GCAT: variants seen among roughly 807,000 people sequenced by gnomAD.
GCAT encodes glycine C-acetyltransferase, also known as 2-amino-3-ketobutyrate coenzyme A ligase, mitochondrial.
GCAT carries 26 observed loss-of-function variants against 39.7 expected under a neutral mutation model. The ratio of observed to expected loss-of-function variants is 0.65; its 90% confidence interval spans 0.48 to 0.91. The LOEUF (loss-of-function observed/expected upper bound fraction) is 0.91, where lower values mean the gene tolerates loss of function less well. Ranked by LOEUF, GCAT falls within the 40% of genes least tolerant of loss-of-function variation. The pLI, the probability that GCAT is intolerant of heterozygous loss-of-function variation, is 0.00. For missense variants in GCAT, 550 were observed against 576.2 expected (o/e 0.95, Z 0.47); for synonymous variants, 218 against 237.2 (o/e 0.92, Z 0.74).
At chr22:37,815,919 T>C in intron 7 of GCAT, 85 bp downstream of exon 7, 1 of 1,509,216 alleles carries the variant, frequency 6.6e-7, no homozygotes. Context: ...CACAGACAGC[T>C]CTGTGCCCAC....
intron 2 of GCAT, among the ~76,000 whole-genome samples, chr22:37,811,185 T>C (rs1367277167): frequency 6.6e-6 from 1 of 152,088 alleles, no homozygotes; most frequent in African/African-American, 2.4e-5. Context: ...ACTTAATACA[T>C]GTAATGCTTA....
In GCAT at chr22:37,810,169, G is replaced by A; in HGVS notation, c.327+12G>A. On this transcript the variant is annotated intron_variant, in intron 2 of 8. Coordinates refer to ENST00000248924, the MANE Select transcript of GCAT (RefSeq NM_014291.4). ...TCTGTGGAACCCAGGTACACAGTGA[G>A]TGGTGGGGGGTTGTGGGGACTGACC... is the stretch of plus-strand genomic sequence containing the variant. 2 of 1,588,382 alleles carry A rather than the reference G, an allele frequency of 1.3e-6. No homozygotes were observed. The highest frequency in any genetic ancestry group is 1.7e-6 in the Non-Finnish European group (2 of 1,156,576).
intron 7 of GCAT, among the ~76,000 whole-genome samples, 168 bp from the exon 8 acceptor site, chr22:37,816,032 T>C (rs1256997323): frequency 6.6e-6 from 1 of 152,186 alleles, no homozygotes; most frequent in East Asian, 1.9e-4. Context: ...ACCTCCCTTG[T>C]TGTTCTCCCT....
In GCAT at chr22:37,816,593, C is replaced by T. The variant is rs1432658043; in HGVS notation, c.1135C>T (p.Pro379Ser). 1 of 1,614,210 alleles carries T rather than the reference C, an allele frequency of 6.2e-7. No individual in the cohort carries two copies. Among genetic ancestry groups the T allele is most frequent in the Non-Finnish European group, 8.5e-7 (1 of 1,180,036 alleles). The change falls in exon 9 of 9, where the codon CCC becomes TCC. Residue 379 changes from proline to serine, a missense_variant. By Grantham distance (74) the Pro-to-Ser change is moderately conservative (BLOSUM62 -1). Transcript: ENST00000248924. ...RGIFVIGFSY[P>S]VVPKGKARIR... ...CATCTTTGTCATCGGGTTCAGCTAC[C>T]CCGTGGTCCCCAAGGGCAAGGCCCG... is the stretch of plus-strand genomic sequence containing the variant.
intron 7 of GCAT, 176 bp downstream of exon 7, chr22:37,816,010 T>A: frequency 2.3e-6 from 1 of 433,472 alleles, no homozygotes; most frequent in Non-Finnish European, 3.1e-6. Context: ...TTCTTATCCC[T>A]CCTGTCTTTC....
rs1359753595 is a variant in GCAT at position 37,810,116 on chromosome 22, G to C, written c.286G>C (p.Gly96Arg). 1.2e-6 allele frequency: 2 copies of C among 1,614,120 alleles called. No homozygotes were observed. Among genetic ancestry groups the C allele is most frequent in the South Asian group, 2.2e-5 (2 of 91,086 alleles). Residue 96 changes from glycine (G) to arginine (R), a missense_variant, in exon 2 of 9, where the codon GGA (glycine) becomes CGA (arginine). Gly to Arg is a moderately radical substitution (Grantham distance 125). Transcript: ENST00000248924. ...QAGLQALEEF[G>R]AGLSSVRFIC... ...AGGTCTGCAGGCTCTGGAGGAGTTT[G>C]GAGCTGGCCTCAGCTCTGTCCGCTT...
chr22:37,816,123 T>A, intron 7 of GCAT, 77 bp from the exon 8 acceptor site: 1 of 1,541,600 alleles, frequency 6.5e-7, no homozygotes. Flanking sequence ...GGCATAGACC[T>A]CGGGCCTGGT....
rs115934361 is a variant in GCAT, at chr22:37,812,812, C to G, written c.328-75C>G. On this transcript the variant is annotated intron_variant, in intron 2 of 8. Coordinates refer to ENST00000248924, the MANE Select transcript of GCAT (RefSeq NM_014291.4). ...TTCTGGGTTGGGTCTCTGTGGTCCT[C>G]CAAGCCTCTGTCCCCTCGAACTTGT... 1,146 of 1,029,016 alleles carry G rather than the reference C, an allele frequency of 1.1e-3. 8 individuals carry two copies. The African/African-American group carries it at 0.016, about 15-fold the overall frequency. The allele number at this position is 1,029,016 out of a possible 1,614,324, so 63.7% of individuals were successfully genotyped here. A position where few individuals can be genotyped will look rare whatever the true frequency, so the allele number is the denominator to read the frequency against.
intron 1 of GCAT, 85 bp downstream of exon 1, chr22:37,808,248 C>T: frequency 1.8e-6 from 2 of 1,110,806 alleles, no homozygotes; most frequent in Non-Finnish European, 2.5e-6. Flanking sequence ...GTGGGCGGCT[C>T]CTACACTCTT....
chr22:37,814,556 C>T (rs55834709), intron 4 of GCAT, among the ~76,000 whole-genome samples: 8 of 152,334 alleles, frequency 5.3e-5, no homozygotes, highest in Non-Finnish European at 1.2e-4. Flanking sequence ...AGCCACCGCA[C>T]CCAGCCTGTT....
At chr22:37,809,709 T>C (rs1393785354) in intron 1 of GCAT, among the ~76,000 whole-genome samples, 1 of 152,038 alleles carries the variant, frequency 6.6e-6, no homozygotes, top group Non-Finnish European at 1.5e-5. Context: ...TAGTCCCAGC[T>C]ACTCAGGAGG....
In GCAT at chr22:37,815,813, C is replaced by T. The variant is rs1182038194; in HGVS notation, c.965C>T (p.Ser322Phe). ...LLMGSNTIVQ[S>F]MAAKTQRFRS... ...ATGGGGAGTAACACCATTGTCCAGTCTATGGCTGCCAAGACCCAGAGGTGC... is the reference window on the plus strand; with the variant it reads ...ATGGGGAGTAACACCATTGTCCAGTTTATGGCTGCCAAGACCCAGAGGTGC... Residue 322 changes from serine to phenylalanine, a missense_variant, in exon 7 of 9, where the codon TCT (serine) becomes TTT (phenylalanine). This residue lies in a region of GCAT where 378 missense variants were observed against 390.4 expected (regional missense o/e 0.97). Transcript: ENST00000248924. 6.2e-7 allele frequency: 1 copy of T among 1,613,926 alleles called. No individual in the cohort carries two copies. Among genetic ancestry groups the T allele is most frequent in the African/African-American group, 1.3e-5 (1 of 74,936 alleles).
intron 2 of GCAT, among the ~76,000 whole-genome samples, chr22:37,811,579 A>T (rs1265240627): frequency 6.6e-6 from 1 of 152,016 alleles, no homozygotes; most frequent in African/African-American, 2.4e-5. Context: ...TACAAAATAA[A>T]TTTATATAAG....
intron 2 of GCAT, among the ~76,000 whole-genome samples, chr22:37,811,875 CAAAAAAAA>C (rs55770597): frequency 9.3e-5 from 11 of 118,726 alleles, no homozygotes; most frequent in African/African-American, 3.4e-4. Flanking sequence ...AACTCTGTCT[CAAAAAAAA>C]AAAAAAAAGA....
rs1417053656 is a variant in GCAT, at chr22:37,808,139, A to G, written c.172A>G (p.Ile58Val). The G allele has an allele frequency of 1.3e-6, 2 of 1,528,474 alleles. No individual in the cohort carries two copies. The highest frequency in any genetic ancestry group is 1.2e-5 in the South Asian group (1 of 80,990). The allele number at this position is 1,528,474 out of a possible 1,614,324, so 94.7% of individuals were successfully genotyped here. ...CATCACGTCCCGTCAGGGGCCGCAC[A>G]TCCGCGTGGACGGCGTCTCCGGAGG... ...RVITSRQGPH[I>V]RVDGVSGGIL... Residue 58 changes from isoleucine (I) to valine (V), a missense_variant, in exon 1 of 9, where the codon ATC becomes GTC. This residue lies in a region of GCAT where 154 missense variants were observed against 141.9 expected (regional missense o/e 1.08). Transcript: ENST00000248924.
chr22:37,812,605 C>T (rs1438317310), intron 2 of GCAT, among the ~76,000 whole-genome samples: 3 of 152,190 alleles, frequency 2.0e-5, no homozygotes, highest in African/African-American at 7.2e-5. Flanking sequence ...TAGGAAGACA[C>T]ATCTTTCTTC....
chr22:37,807,998 C>G lies in GCAT; in HGVS notation c.31C>G (p.Leu11Val), dbSNP rs931131060. ...GCCTGGGAACGCCTGGCGCGCCGCA[C>G]TCTTCTGGGTGCCCCGCGGCCGCCG... The part of the protein sequence containing the change: MWPGNAWRAA[L>V]FWVPRGRRAQ... The change falls in exon 1 of 9, where the codon CTC becomes GTC. Residue 11 changes from leucine (L) to valine (V), a missense_variant. This residue lies in a region of GCAT where 154 missense variants were observed against 141.9 expected (regional missense o/e 1.08). Transcript: ENST00000248924. 6 of 1,540,982 alleles carry G rather than the reference C, an allele frequency of 3.9e-6. No individual in the cohort carries two copies. Among genetic ancestry groups the G allele is most frequent in the East Asian group, 2.5e-5 (1 of 39,540 alleles).
intron 3 of GCAT, 139 bp downstream of exon 3, chr22:37,813,127 G>C: frequency 1.5e-6 from 1 of 684,556 alleles, no homozygotes; most frequent in Non-Finnish European, 2.6e-6. Flanking sequence ...GGAGGTCAAG[G>C]TTGGGCCAGG....
downstream of GCAT, chr22:37,817,015 CTT>C (rs1601706288): frequency 3.2e-6 from 1 of 314,140 alleles, no homozygotes; most frequent in East Asian, 5.8e-5. Context: ...CCACTGACCT[CTT>C]TCCCTAGATT....
Sources: gnomAD v4.1 joint callset for allele counts (sites outside exome capture counted in the v4.1 genomes callset) on GRCh38, gnomAD v4.1.1 for gene constraint, gnomAD v4.1.1 regional missense constraint, MANE v1.5 for transcripts, NCBI Gene and HGNC (gene_info 2026-07-23, HGNC 2026-07-21) for gene names.